MAMDC2: variants seen among roughly 807,000 people sequenced by gnomAD.
The protein encoded by MAMDC2 is MAM domain-containing protein 2.
A neutral mutation model predicts 89.8 loss-of-function variants in MAMDC2; 57 were observed. The observed-to-expected ratio is 0.63, with a 90% confidence interval of 0.51 to 0.79. MAMDC2 has a LOEUF of 0.79. MAMDC2 is among the 30% of genes least tolerant of loss of function. MAMDC2 has a pLI of 0.00. For synonymous variants in MAMDC2, 313 were observed against 293.4 expected (o/e 1.07, Z -0.68); for missense variants, 800 against 820.6 (o/e 0.97, Z 0.31).
At chr9:70,225,698 C>A in intron 12 of MAMDC2, 52 bp from the exon 13 acceptor site, 1 of 1,160,224 alleles carries the variant, frequency 8.6e-7, no homozygotes, top group Non-Finnish European at 1.3e-6. Context: ...CCCTGACCAG[C>A]ACTGTAATCA....
At chr9:70,217,397 A>C (rs1400872769) in intron 11 of MAMDC2, 1 of 1,330,148 alleles carries the variant, frequency 7.5e-7, no homozygotes, top group Admixed American at 1.7e-5. Flanking sequence ...GAAGAAATTC[A>C]AAAGAAAAGA....
At chr9:70,181,506 G>C (rs986509006) in intron 11 of MAMDC2, among the ~76,000 whole-genome samples, 7 of 151,982 alleles carry the variant, frequency 4.6e-5, no homozygotes, top group Non-Finnish European at 2.9e-5. Context: ...TTTTCCATTT[G>C]TTTGTGTCCT....
intron 2 of MAMDC2, chr9:70,092,749 T>C: frequency 6.6e-6 from 1 of 152,170 alleles, no homozygotes; most frequent in East Asian, 1.9e-4. Flanking sequence ...TGGATTTCTG[T>C]ATTCAATTAT....
intron 2 of MAMDC2, 28 bp from the exon 3 acceptor site, chr9:70,108,183 C>T: frequency 6.6e-7 from 1 of 1,507,660 alleles, no homozygotes; most frequent in Non-Finnish European, 8.9e-7. Context: ...AAAATTGATC[C>T]TTTTCCTATG....
chr9:70,220,619 T>A (rs565350593), intron 12 of MAMDC2, among the ~76,000 whole-genome samples: 4 of 152,374 alleles, frequency 2.6e-5, no homozygotes, highest in Middle Eastern at 6.8e-3. Context: ...CTGATCCTAT[T>A]TCCCCATTTT....
chr9:70,224,126 T>A (rs929266149), intron 12 of MAMDC2, among the ~76,000 whole-genome samples: 2 of 152,170 alleles, frequency 1.3e-5, no homozygotes, highest in African/African-American at 4.8e-5. Flanking sequence ...TATCTAGGTG[T>A]GTTAGGACAT....
rs146418418 is a variant in MAMDC2 at position 70,096,833 on chromosome 9, G to T, written c.149-11378G>T. Among the ~76,000 whole-genome samples, 719 of 152,136 alleles carry T rather than the reference G, an allele frequency of 4.7e-3. 2 individuals carry two copies. The highest frequency in any genetic ancestry group is 6.5e-3 in the Admixed American group (99 of 15,294). The stretch of plus-strand genomic sequence containing the variant: ...GAAGGTAGGGGCAAAACTATTAAAG[G>T]GGGGGATCAAGGAATCCAGAGGAAA... On this transcript the variant is annotated intron_variant, in intron 2 of 13. Transcript: ENST00000377182.
rs1461127407 is a variant in MAMDC2 at position 70,190,413 on chromosome 9, C to A, written c.1651+19782C>A. On this transcript the variant is annotated intron_variant, in intron 11 of 13. Transcript: ENST00000377182. ...CCTTAAATGCCTTAAACCAACAGAT[C>A]CCCCAGAACACAGCAGGTTCTGTGT... 2.0e-5 allele frequency among the ~76,000 whole-genome samples: 3 copies of A among 152,124 alleles called. No individual in the cohort carries two copies. In the East Asian group the frequency reaches 5.8e-4, roughly 29 times the overall value.
chr9:70,164,311 T>C (rs921301518), intron 9 of MAMDC2, among the ~76,000 whole-genome samples: 1 of 152,200 alleles, frequency 6.6e-6, no homozygotes, highest in African/African-American at 2.4e-5. Context: ...ATACTATGTA[T>C]TTTTAGTATA....
intron 5 of MAMDC2, among the ~76,000 whole-genome samples, chr9:70,118,434 T>C (rs990455601): frequency 3.3e-5 from 5 of 151,990 alleles, no homozygotes; most frequent in African/African-American, 1.2e-4. Flanking sequence ...CTAAAATATT[T>C]TATTTGAAAA....
intron 11 of MAMDC2, among the ~76,000 whole-genome samples, chr9:70,200,117 G>C (rs1305084319): frequency 6.6e-6 from 1 of 151,916 alleles, no homozygotes; most frequent in Non-Finnish European, 1.5e-5. Flanking sequence ...TGGACATGAA[G>C]TCCTTGCCCA....
At chr9:70,219,039 T>C (rs1288654516) in intron 12 of MAMDC2, among the ~76,000 whole-genome samples, 1 of 152,188 alleles carries the variant, frequency 6.6e-6, no homozygotes, top group African/African-American at 2.4e-5. Context: ...GAGTAAGTTT[T>C]GTTTTTTTAA....
intron 2 of MAMDC2, chr9:70,081,875 A>G (rs1827661823): frequency 1.3e-5 from 2 of 152,022 alleles, no homozygotes; most frequent in Admixed American, 6.6e-5. Flanking sequence ...CCCTGAGGCC[A>G]TTACTTCCTC....
intron 5 of MAMDC2, 58 bp downstream of exon 5, chr9:70,113,190 C>T (rs1828557772): frequency 6.3e-7 from 1 of 1,583,076 alleles, no homozygotes; most frequent in Non-Finnish European, 8.6e-7. Context: ...CTGTCTCCTC[C>T]CACTTCCTGC....
At chr9:70,173,048 G>A (rs2032398185) in intron 11 of MAMDC2, among the ~76,000 whole-genome samples, 1 of 152,132 alleles carries the variant, frequency 6.6e-6, no homozygotes, top group Non-Finnish European at 1.5e-5. Context: ...GCTTGATGCA[G>A]GGATTAAAAC....
intron 1 of MAMDC2, 55 bp downstream of exon 1, chr9:70,044,286 T>A: frequency 6.4e-7 from 1 of 1,572,816 alleles, no homozygotes; most frequent in Non-Finnish European, 8.7e-7. Context: ...TCGCCCCCGC[T>A]CCTGCTGCCC....
At chr9:70,059,130 G>A (rs1827089572) in intron 2 of MAMDC2, among the ~76,000 whole-genome samples, 4 of 152,096 alleles carry the variant, frequency 2.6e-5, no homozygotes, top group Admixed American at 2.6e-4. Flanking sequence ...TTGCAAAAAG[G>A]CATATGAACT....
At chr9:70,086,002 A>G (rs1218865036) in intron 2 of MAMDC2, 1 of 152,180 alleles carries the variant, frequency 6.6e-6, no homozygotes, top group East Asian at 1.9e-4. Context: ...TGTTGGCAAG[A>G]TTAATATTAT....
intron 2 of MAMDC2, among the ~76,000 whole-genome samples, chr9:70,104,794 G>A (rs1029756873): frequency 6.6e-6 from 1 of 152,150 alleles, no homozygotes; most frequent in African/African-American, 2.4e-5. Context: ...TGGGGAGAAT[G>A]AGGGATGACT....
Sources: gnomAD v4.1 joint callset for allele counts (sites outside exome capture counted in the v4.1 genomes callset) on GRCh38, gnomAD v4.1.1 for gene constraint, MANE v1.5 for transcripts, NCBI Gene and HGNC (gene_info 2026-07-23, HGNC 2026-07-21) for gene names.